IGDCC4: variants seen among roughly 807,000 people sequenced by gnomAD.
IGDCC4 encodes likely ortholog of mouse neighbor of Punc E11.
IGDCC4 carries 72 observed loss-of-function variants against 116.6 expected under a neutral mutation model. The observed-to-expected ratio is 0.62, with a 90% CI of 0.51 to 0.75. The LOEUF (loss-of-function observed/expected upper bound fraction) is 0.75. Among genes scored for constraint, IGDCC4 ranks in the 30% least tolerant of loss-of-function variants. IGDCC4 has a pLI of 0.00. For missense variants in IGDCC4, 1,501 were observed against 1,662.4 expected (o/e 0.90, Z 1.69); for synonymous variants, 709 against 719.9 (o/e 0.98, Z 0.24).
intron 11 of IGDCC4, 22 bp downstream of exon 11, chr15:65,392,112 C>A: frequency 6.6e-7 from 1 of 1,523,526 alleles, no homozygotes; most frequent in South Asian, 1.2e-5. Flanking sequence ...CCCTCCCTCC[C>A]CCTCCCCCCA....
intron 1 of IGDCC4, among the ~76,000 whole-genome samples, chr15:65,419,740 C>T (rs994027371): frequency 9.2e-5 from 14 of 152,178 alleles, no homozygotes; most frequent in African/African-American, 3.4e-4. Context: ...AGGTTCCCTA[C>T]CCTCCAAATT....
At chr15:65,422,666 TG>T in intron 1 of IGDCC4, 126 bp downstream of exon 1, 1 of 708,964 alleles carries the variant, frequency 1.4e-6, no homozygotes, top group Non-Finnish European at 1.9e-6. Context: ...CGCGGGCACC[TG>T]GACGCGCAGC....
chr15:65,389,387 G>A lies in IGDCC4; in HGVS notation c.2433C>T (p.Gly811=), dbSNP rs150805500. The A allele has an allele frequency of 1.2e-5, 20 of 1,614,054 alleles. No homozygotes were observed. The highest frequency in any genetic ancestry group is 3.3e-5 in the South Asian group (3 of 91,086). ...CGTATTTGGTGAATGGCTTCAAGCC[G>A]CCAATGAGGATGTCTTCTCCAGAAC... is the stretch of plus-strand genomic sequence containing the variant. ...YTSSGEDILI[G]GLKPFTKYEF... The change falls in exon 14 of 20, where the codon GGC becomes GGT. Residue 811 remains glycine (G), a synonymous_variant. Coordinates refer to ENST00000352385, the MANE Select transcript of IGDCC4 (RefSeq NM_020962.3).
Position 65,393,600 on chromosome 15 carries a change from G to C in IGDCC4, c.1715-69C>G. The C allele has an allele frequency of 6.8e-7, 1 of 1,472,862 alleles. No homozygotes were observed. The highest frequency in any genetic ancestry group is 9.2e-7 in the Non-Finnish European group (1 of 1,090,594). The allele number at this position is 1,472,862 out of a possible 1,614,324, so 91.2% of individuals were successfully genotyped here. A position where few individuals can be genotyped will look rare whatever the true frequency, so the allele number is the denominator to read the frequency against. On this transcript the variant is annotated intron_variant, in intron 9 of 19. Coordinates refer to ENST00000352385, the MANE Select transcript of IGDCC4 (RefSeq NM_020962.3). The surrounding 1 kb of genome is among the most constrained non-coding windows in gnomAD (Gnocchi z 4.6). The stretch of plus-strand genomic sequence containing the variant: ...AACAGGATCCTAAACCCCCCTACAT[G>C]GCTCTTCCGCCTCACATCCCGGTTC...
At chr15:65,422,702 C>A in intron 1 of IGDCC4, 91 bp downstream of exon 1, 1 of 1,082,830 alleles carries the variant, frequency 9.2e-7, no homozygotes, top group South Asian at 2.4e-5. Context: ...GGGACTCCGG[C>A]TTGAGCCAGC....
At chr15:65,419,568 T>G (rs1361419591) in intron 1 of IGDCC4, among the ~76,000 whole-genome samples, 1 of 152,194 alleles carries the variant, frequency 6.6e-6, no homozygotes, top group East Asian at 1.9e-4. Flanking sequence ...ACTCCAACTG[T>G]TTGACCTGAT....
chr15:65,421,967 G>C (rs1037435920), intron 1 of IGDCC4, among the ~76,000 whole-genome samples: 1 of 152,230 alleles, frequency 6.6e-6, no homozygotes, highest in African/African-American at 2.4e-5. Flanking sequence ...TCCGCACTGG[G>C]CTGCGGACTG....
In IGDCC4 at chr15:65,389,302, G is replaced by C. The variant is rs144033948; in HGVS notation, c.2518C>G (p.Arg840Gly). 1.2e-6 allele frequency: 2 copies of C among 1,613,760 alleles called. No individual in the cohort carries two copies. Among genetic ancestry groups the C allele is most frequent in the Non-Finnish European group, 1.7e-6 (2 of 1,179,932 alleles). The change falls in exon 14 of 20, where the codon CGC (arginine) becomes GGC (glycine). Residue 840 changes from arginine (R) to glycine (G), a missense_variant. Coordinates refer to ENST00000352385, the MANE Select transcript of IGDCC4 (RefSeq NM_020962.3). ...MDGPFGSVVE[R>G]STLPDRPSTP... ...CACTCACGGTCAGGCAGGGTGGAGCGCTCCACCACAGAGCCGAAAGGCCCA... is the reference window on the plus strand; with the variant it reads ...CACTCACGGTCAGGCAGGGTGGAGCCCTCCACCACAGAGCCGAAAGGCCCA...
intron 6 of IGDCC4, 71 bp downstream of exon 6, chr15:65,396,763 G>A (rs1567085296): frequency 1.3e-6 from 2 of 1,516,142 alleles, no homozygotes; most frequent in Non-Finnish European, 8.8e-7. Flanking sequence ...ACACCCACCC[G>A]TCCACCTCCC....
At position 65,381,586 on chromosome 15, in the gene IGDCC4, C is replaced by G. The variant is rs1454155210; in HGVS notation, c.*2423G>C. ...CATATTTGTAAGGAGAAAAAAAAAA[C>G]GCTGGAAGGATAATTAAATAGTACA... On this transcript the variant is annotated 3_prime_UTR_variant, in exon 20 of 20. Transcript: ENST00000352385. 1.3e-5 allele frequency: 2 copies of G among 148,732 alleles called. No individual in the cohort carries two copies. Among genetic ancestry groups the G allele is most frequent in the African/African-American group, 2.5e-5 (1 of 40,326 alleles). The allele number at this position is 148,732 out of a possible 1,614,324, so 9.2% of individuals were successfully genotyped here. A position where few individuals can be genotyped will look rare whatever the true frequency, so the allele number is the denominator to read the frequency against.
rs763622611 is a variant in IGDCC4, at chr15:65,385,992, G to T, written c.3019C>A (p.Leu1007Ile). Residue 1007 changes from leucine to isoleucine, a missense_variant, in exon 18 of 20, where the codon CTT (leucine) becomes ATT (isoleucine). Physicochemically the swap from Leu to Ile is conservative, Grantham distance 5. Transcript: ENST00000352385. The part of the protein sequence containing the change: ...GNPALYSRAR[L>I]GPPSPPAAHE... Reference sequence around the variant, plus strand: ...GCAGCTGGGGGGCTGGGGGGGCCAAGCCGAGCTCTGGAGTACAGCGCGGGA... The same window carrying T: ...GCAGCTGGGGGGCTGGGGGGGCCAATCCGAGCTCTGGAGTACAGCGCGGGA... 3.1e-5 allele frequency: 49 copies of T among 1,600,128 alleles called. No individual in the cohort carries two copies. In the South Asian group the frequency reaches 5.1e-4, roughly 17 times the overall value.
chr15:65,416,715 C>T (rs1038199122), intron 1 of IGDCC4, among the ~76,000 whole-genome samples: 4 of 152,144 alleles, frequency 2.6e-5, no homozygotes, highest in Non-Finnish European at 5.9e-5. Flanking sequence ...CTTGAGGGGG[C>T]CACCCCTCCC....
Position 65,395,131 on chromosome 15 carries a change from GCGGCTGGCTCC to G in IGDCC4, c.1528_1538del (p.Gly510HisfsTer12). 6.2e-7 allele frequency: 1 copy of G among 1,613,776 alleles called. No homozygotes were observed. The highest frequency in any genetic ancestry group is 8.5e-7 in the Non-Finnish European group (1 of 1,179,738). ...TGTGCACCAGTGCTGGGGTGGAGGT[GCGGCTGGCTCC>G]CAGCTGGGAGTAGGCCACCACGTAG... On this transcript the variant is annotated frameshift_variant, in exon 8 of 20. Coordinates refer to ENST00000352385, the MANE Select transcript of IGDCC4 (RefSeq NM_020962.3). LOFTEE classifies it high-confidence loss of function.
At chr15:65,402,791 C>T (rs556272429) in intron 3 of IGDCC4, among the ~76,000 whole-genome samples, 19 of 152,232 alleles carry the variant, frequency 1.2e-4, no homozygotes, top group African/African-American at 3.4e-4. Flanking sequence ...CGCTTGAACC[C>T]GGGAGGCGGA....
intron 1 of IGDCC4, among the ~76,000 whole-genome samples, chr15:65,413,180 C>A (rs1361906085): frequency 2.0e-5 from 3 of 152,084 alleles, no homozygotes; most frequent in Non-Finnish European, 4.4e-5. Flanking sequence ...TGAGCAGATC[C>A]TGCTGGGAAT....
chr15:65,411,377 A>G lies in IGDCC4; in HGVS notation c.71-7T>C. The G allele has an allele frequency of 1.3e-6, 2 of 1,550,394 alleles. No individual in the cohort carries two copies. The highest frequency in any genetic ancestry group is 1.7e-6 in the Non-Finnish European group (2 of 1,145,586). Reference sequence around the variant, plus strand: ...TGGGGCAACAGCAGCTCCCCTGCATAGAGGAGGAGCACGGGGCCATCAGTG... The same window carrying G: ...TGGGGCAACAGCAGCTCCCCTGCATGGAGGAGGAGCACGGGGCCATCAGTG... On this transcript the variant is annotated splice_polypyrimidine_tract_variant and splice_region_variant and intron_variant, in intron 1 of 19. Transcript: ENST00000352385.
Position 65,422,787 on chromosome 15 carries a change from C to A in IGDCC4, c.70+6G>T. 7.5e-7 allele frequency: 1 copy of A among 1,326,896 alleles called. No individual in the cohort carries two copies. The highest frequency in any genetic ancestry group is 9.6e-7 in the Non-Finnish European group (1 of 1,039,032). 82.2% of individuals were successfully genotyped at this position (1,326,896 alleles called of 1,614,324 possible). A position where few individuals can be genotyped will look rare whatever the true frequency, so the allele number is the denominator to read the frequency against. The stretch of plus-strand genomic sequence containing the variant: ...CGCTCCTGCCTCTCCGGGCGCCCGC[C>A]CTTACCGCGCGCGGCCAACAGGCAG... On this transcript the variant is annotated splice_donor_region_variant and intron_variant, in intron 1 of 19. Transcript: ENST00000352385.
In IGDCC4 at chr15:65,394,526, G is replaced by C. The variant is rs1417094174; in HGVS notation, c.1599C>G (p.Leu533=). The change falls in exon 9 of 20, where the codon CTC becomes CTG. Residue 533 remains leucine (L), a synonymous_variant. Transcript: ENST00000352385. ...CCGAAGGGTTGGGGCTGGACAGGGA[G>C]AGCTGGGGTGCTGCACTGGGGACTG... The part of the protein sequence containing the change: ...LDDVPSAAPQ[L]SLSSPNPSDI... 3 of 1,609,638 alleles carry C rather than the reference G, an allele frequency of 1.9e-6. No homozygotes were observed. Among genetic ancestry groups the C allele is most frequent in the Non-Finnish European group, 2.5e-6 (3 of 1,177,528 alleles).
At chr15:65,422,733 AG>A in intron 1 of IGDCC4, 59 bp downstream of exon 1, 1 of 1,254,270 alleles carries the variant, frequency 8.0e-7, no homozygotes, top group South Asian at 1.9e-5. Flanking sequence ...GATGCAGACC[AG>A]GGCGCGGGCG....
Sources: allele counts gnomAD v4.1 joint callset (sites outside exome capture counted in the v4.1 genomes callset), GRCh38; gene constraint gnomAD v4.1.1; non-coding constraint Gnocchi (gnomAD v3.1); transcripts MANE v1.5; gene names NCBI Gene and HGNC (gene_info 2026-07-23, HGNC 2026-07-21).